The following ZC3H11A variants were observed in gnomAD, a reference collection of about 807,000 sequenced individuals.
ZC3H11A encodes zinc finger CCCH-type containing 11A.
Under a neutral mutation model 90.8 loss-of-function variants are expected in ZC3H11A, and 22 were observed. The observed-to-expected ratio is 0.24, with a 90% CI of 0.17 to 0.35. ZC3H11A has a LOEUF of 0.35. Ranked by LOEUF, ZC3H11A falls within the 10% of genes least tolerant of loss-of-function variation. The pLI is 1.00. For missense variants in ZC3H11A, 701 were observed against 964.9 expected, an observed-to-expected ratio of 0.73 and a Z score of 3.62; for synonymous variants, 294 against 339.8, an observed-to-expected ratio of 0.87 and a Z score of 1.48.
chr1:203,812,773 G>T (rs967568841), intron 2 of ZC3H11A, among the ~76,000 whole-genome samples: 2 of 151,594 alleles, frequency 1.3e-5, no homozygotes, highest in African/African-American at 4.8e-5. Context: ...GTAGAGATGG[G>T]GTCTCACCAT....
rs144752200 is a variant in ZC3H11A at position 203,829,662 on chromosome 1, C to G, written c.502+8C>G. The G allele has an allele frequency of 2.8e-4, 453 of 1,614,218 alleles. 4 individuals are homozygous for G. The East Asian group carries it at 1.0e-2, about 35-fold the overall frequency. On this transcript the variant is annotated splice_region_variant and intron_variant, in intron 6 of 17. Transcript: ENST00000367210. ...ATGATGAAGATGATGATGGTAAGTT[C>G]TGTCTGGCTCCTTCTTTAAGGCAAA...
At chr1:203,819,101 C>T (rs1271811454) in intron 4 of ZC3H11A, among the ~76,000 whole-genome samples, 2 of 150,030 alleles carry the variant, frequency 1.3e-5, no homozygotes, top group African/African-American at 4.9e-5. Context: ...CACACACACA[C>T]ACACACACAC....
Position 203,837,826 on chromosome 1 carries a change from T to C in ZC3H11A, c.875-140T>C, listed in dbSNP as rs939150847. On this transcript the variant is annotated intron_variant, in intron 10 of 17. Transcript: ENST00000367210. The stretch of plus-strand genomic sequence containing the variant: ...TTTTTATGTTTCTAACATTGAACTC[T>C]AAGGAAGCTGGTGAACAAACACGCC... 18 of 765,942 alleles carry C rather than the reference T, an allele frequency of 2.4e-5. No homozygotes were observed. The African/African-American group carries it at 3.2e-4, about 14-fold the overall frequency. 47.4% of individuals were successfully genotyped at this position (765,942 alleles called of 1,614,324 possible).
At chr1:203,819,217 TTTC>T (rs1187152728) in intron 4 of ZC3H11A, among the ~76,000 whole-genome samples, 1 of 121,948 alleles carries the variant, frequency 8.2e-6, no homozygotes. Flanking sequence ...TTTTTTTTTC[TTTC>T]TTTTTATTTT....
chr1:203,824,320 C>T (rs1379016419), intron 4 of ZC3H11A, among the ~76,000 whole-genome samples: 1 of 150,262 alleles, frequency 6.7e-6, no homozygotes, highest in Non-Finnish European at 1.5e-5. Context: ...TTGTTTTTCA[C>T]TTGCATATGA....
At chr1:203,817,858 T>C (rs1676887168) in intron 3 of ZC3H11A, among the ~76,000 whole-genome samples, 1 of 152,036 alleles carries the variant, frequency 6.6e-6, no homozygotes, top group Non-Finnish European at 1.5e-5. Flanking sequence ...GTTCAAGCCA[T>C]TCTCCTGCCT....
At chr1:203,812,991 T>C (rs1045730174) in intron 2 of ZC3H11A, among the ~76,000 whole-genome samples, 3 of 152,228 alleles carry the variant, frequency 2.0e-5, no homozygotes, top group African/African-American at 7.2e-5. Context: ...GAGGTACCTG[T>C]TCAGATCTTT....
intron 8 of ZC3H11A, among the ~76,000 whole-genome samples, chr1:203,831,012 C>T (rs111509603): frequency 0.14 from 17,801 of 127,386 alleles, 1,475 homozygotes; most frequent in East Asian, 0.34. Flanking sequence ...ATGGCGCAAT[C>T]TTTGCTCACC....
chr1:203,822,429 C>A (rs1679087253), intron 4 of ZC3H11A, among the ~76,000 whole-genome samples: 1 of 151,892 alleles, frequency 6.6e-6, no homozygotes, highest in Admixed American at 6.6e-5. Context: ...CTACTTTTGA[C>A]CCCCAACACG....
At chr1:203,838,455 G>A (rs373893562) in intron 11 of ZC3H11A, among the ~76,000 whole-genome samples, 2 of 152,222 alleles carry the variant, frequency 1.3e-5, no homozygotes, top group East Asian at 1.9e-4. Flanking sequence ...AATTAGCCAG[G>A]TGAAGTTCGA....
intron 2 of ZC3H11A, chr1:203,805,732 T>C: frequency 4.5e-6 from 3 of 665,916 alleles, no homozygotes; most frequent in Non-Finnish European, 8.6e-6. Context: ...CTCATCTAAA[T>C]AGAACTCTTG....
chr1:203,799,209 T>C, intron 1 of ZC3H11A: 1 of 1,011,988 alleles, frequency 9.9e-7, no homozygotes, highest in Non-Finnish European at 1.5e-6. Context: ...CTTCATTGTT[T>C]CTGACAATTC....
rs1200466119 is a variant in ZC3H11A, at chr1:203,853,890, T to C, written c.*1491T>C. On this transcript the variant is annotated 3_prime_UTR_variant, in exon 18 of 18. Transcript: ENST00000367210. Reference sequence around the variant, plus strand: ...GCCCTTCTCCAAAGCAGAGGTAGAATGTTCAGGTTTCACCATGGATTTTCT... The same window carrying C: ...GCCCTTCTCCAAAGCAGAGGTAGAACGTTCAGGTTTCACCATGGATTTTCT... The C allele has an allele frequency of 6.5e-6, 1 of 152,676 alleles. No homozygotes were observed. Among genetic ancestry groups the C allele is most frequent in the African/African-American group, 2.4e-5 (1 of 41,464 alleles). The allele number at this position is 152,676 out of a possible 1,614,324, so 9.5% of individuals were successfully genotyped here.
chr1:203,797,632 C>T (rs1558085648), intron 1 of ZC3H11A: 11 of 1,535,824 alleles, frequency 7.2e-6, no homozygotes, highest in Non-Finnish European at 8.7e-6. Flanking sequence ...AATTCTAATA[C>T]AGATGAAGAA....
intron 1 of ZC3H11A, chr1:203,798,689 C>T (rs1405930924): frequency 1.3e-6 from 2 of 1,536,142 alleles, no homozygotes; most frequent in Admixed American, 2.0e-5. Context: ...CAGAGCAAGG[C>T]ACTCTGATGC....
chr1:203,841,215 C>T (rs913170136), intron 12 of ZC3H11A, among the ~76,000 whole-genome samples: 12 of 148,806 alleles, frequency 8.1e-5, no homozygotes, highest in African/African-American at 3.0e-4. Context: ...GGGGGATTGG[C>T]AGGGTCATAG....
chr1:203,849,577 T>G (rs758693019), intron 14 of ZC3H11A, 134 bp from the exon 15 acceptor site: 1 of 847,788 alleles, frequency 1.2e-6, no homozygotes, highest in Non-Finnish European at 1.9e-6. Flanking sequence ...CTATTTAACA[T>G]CAAATAAAGA....
chr1:203,812,673 C>T (rs1027133430), intron 2 of ZC3H11A, among the ~76,000 whole-genome samples: 24 of 149,672 alleles, frequency 1.6e-4, no homozygotes, highest in Middle Eastern at 3.5e-3. Context: ...CCTCTGCCTC[C>T]TAGGTTCAAA....
At chr1:203,834,861 C>G (rs1683734581) in intron 10 of ZC3H11A, among the ~76,000 whole-genome samples, 1 of 152,194 alleles carries the variant, frequency 6.6e-6, no homozygotes, top group African/African-American at 2.4e-5. Context: ...CCAGGCTGGT[C>G]TCGAACTCCT....
Sources: gnomAD v4.1 joint callset for allele counts (sites outside exome capture counted in the v4.1 genomes callset) on GRCh38, gnomAD v4.1.1 for gene constraint, MANE v1.5 for transcripts, NCBI Gene and HGNC (gene_info 2026-07-23, HGNC 2026-07-21) for gene names.